S100Z: variants seen among roughly 807,000 people sequenced by gnomAD.
S100Z encodes S100 calcium binding protein Z.
S100Z carries 11 observed loss-of-function variants against 8.5 expected under a neutral mutation model. The observed-to-expected ratio is 1.30, with a 90% CI of 0.82 to 2.15. The LOEUF (loss-of-function observed/expected upper bound fraction) is 2.15. Among genes scored for constraint, S100Z ranks in the 30% most tolerant of loss-of-function variants. S100Z has a pLI of 0.00. For synonymous variants in S100Z, 34 were observed against 43.8 expected (o/e 0.78, Z 0.89); for missense variants, 126 against 117.9 (o/e 1.07, Z -0.32).
chr5:76,904,240 G>A (rs1168406881), intron 4 of S100Z, among the ~76,000 whole-genome samples: 1 of 152,026 alleles, frequency 6.6e-6, no homozygotes, highest in Non-Finnish European at 1.5e-5. Context: ...GTTGCCCTGG[G>A]TTAAACTGCA....
At chr5:76,903,256 G>C (rs1163321422) in intron 4 of S100Z, among the ~76,000 whole-genome samples, 1 of 152,136 alleles carries the variant, frequency 6.6e-6, no homozygotes, top group Non-Finnish European at 1.5e-5. Flanking sequence ...ATCCCCTAGA[G>C]ACCACTGATT....
chr5:76,891,137 A>C (rs923713219), intron 4 of S100Z, among the ~76,000 whole-genome samples: 2 of 152,244 alleles, frequency 1.3e-5, no homozygotes, highest in Non-Finnish European at 2.9e-5. Flanking sequence ...TGCTGGGATT[A>C]CAGGCGTGAG....
At chr5:76,883,161 G>T (rs1743475564) in intron 4 of S100Z, among the ~76,000 whole-genome samples, 1 of 152,088 alleles carries the variant, frequency 6.6e-6, no homozygotes, top group Non-Finnish European at 1.5e-5. Flanking sequence ...AGGGTGATTA[G>T]GTTTTAATGG....
At chr5:76,852,220 G>A (rs540021721) in intron 1 of S100Z, among the ~76,000 whole-genome samples, 10 of 152,088 alleles carry the variant, frequency 6.6e-5, no homozygotes, top group South Asian at 6.2e-4. Context: ...AAGCAGTGTC[G>A]GTCCTCTTAT....
intron 4 of S100Z, among the ~76,000 whole-genome samples, chr5:76,914,789 G>A (rs189900118): frequency 3.9e-5 from 6 of 152,030 alleles, no homozygotes; most frequent in Admixed American, 3.3e-4. Flanking sequence ...AACTCCTGAC[G>A]CACCACCTTT....
intron 1 of S100Z, among the ~76,000 whole-genome samples, chr5:76,869,819 G>T (rs1432322318): frequency 2.0e-5 from 3 of 152,136 alleles, no homozygotes; most frequent in Non-Finnish European, 4.4e-5. Flanking sequence ...AGGAGTTCAA[G>T]ACCAGCCTAG....
the S100Z span, among the ~76,000 whole-genome samples, chr5:76,931,404 T>C: frequency 9.2e-5 from 14 of 152,306 alleles, no homozygotes; most frequent in African/African-American, 3.1e-4. Flanking sequence ...CCAGCCACCA[T>C]GACTGGCTCC....
chr5:76,878,075 C>A (rs1580012747), intron 4 of S100Z: 1 of 265,588 alleles, frequency 3.8e-6, no homozygotes, highest in East Asian at 6.6e-5. Context: ...AGGCTATATG[C>A]ATCTTTTTGG....
intron 2 of S100Z, 88 bp from the exon 3 acceptor site, chr5:76,875,216 C>A: frequency 2.8e-6 from 2 of 725,582 alleles, no homozygotes; most frequent in South Asian, 2.1e-5. Context: ...TAACAACCAT[C>A]ACTTGTGTGG....
chr5:76,937,059 C>G, the S100Z span, among the ~76,000 whole-genome samples: 5 of 152,146 alleles, frequency 3.3e-5, no homozygotes, highest in African/African-American at 1.2e-4. Flanking sequence ...TCAGCAAATC[C>G]CGGCTGCAGA....
At chr5:76,926,302 A>G (rs1049553237), downstream of S100Z, among the ~76,000 whole-genome samples, 16 of 152,308 alleles carry the variant, frequency 1.1e-4, no homozygotes, top group South Asian at 2.1e-3. Flanking sequence ...CTGTAGTCCT[A>G]CCTGCCAAAT....
intron 1 of S100Z, among the ~76,000 whole-genome samples, chr5:76,857,207 G>A (rs929462023): frequency 4.6e-5 from 7 of 152,016 alleles, no homozygotes; most frequent in Non-Finnish European, 8.8e-5. Context: ...CAGGAGAATC[G>A]CTTGACCCTG....
Position 76,858,610 on chromosome 5 carries a change from A to C in S100Z, c.-176+8455A>C, listed in dbSNP as rs117830930. 2.1e-4 allele frequency among the ~76,000 whole-genome samples: 32 copies of C among 152,248 alleles called. No individual in the cohort carries two copies. The East Asian group carries it at 5.2e-3, about 25-fold the overall frequency. On this transcript the variant is annotated intron_variant, in intron 1 of 4. Coordinates refer to ENST00000317593, the MANE Select transcript of S100Z (RefSeq NM_130772.4). ...TCCATTGTCCTGCCTGGACGATGAC[A>C]AGTAGGGTGGGGGCTAATTGTTACA...
the S100Z span, among the ~76,000 whole-genome samples, chr5:76,941,902 G>C: frequency 2.6e-5 from 4 of 151,496 alleles, no homozygotes; most frequent in Non-Finnish European, 5.9e-5. Flanking sequence ...ATTTATATTA[G>C]TATGGATTTG....
chr5:76,950,905 C>G, the S100Z span, among the ~76,000 whole-genome samples: 2 of 152,176 alleles, frequency 1.3e-5, no homozygotes, highest in African/African-American at 2.4e-5. Flanking sequence ...TTCCATTTCT[C>G]TCACCTATTT....
At chr5:76,860,953 A>G (rs1436688930) in intron 1 of S100Z, among the ~76,000 whole-genome samples, 2 of 152,258 alleles carry the variant, frequency 1.3e-5, no homozygotes, top group Non-Finnish European at 2.9e-5. Context: ...CTGAAGAGTC[A>G]TGTAAAAAGG....
chr5:76,931,610 C>T, the S100Z span, among the ~76,000 whole-genome samples: 4 of 152,250 alleles, frequency 2.6e-5, no homozygotes, highest in African/African-American at 7.2e-5. Context: ...CCTTCAGCCC[C>T]GTAGCGTGGT....
the S100Z span, among the ~76,000 whole-genome samples, chr5:76,952,522 A>T: frequency 6.6e-6 from 1 of 152,264 alleles, no homozygotes; most frequent in Admixed American, 6.5e-5. Flanking sequence ...CTGCAAAATC[A>T]GACTTCTGCT....
chr5:76,866,722 C>G (rs1314434047), intron 1 of S100Z, among the ~76,000 whole-genome samples: 1 of 152,128 alleles, frequency 6.6e-6, no homozygotes, highest in African/African-American at 2.4e-5. Flanking sequence ...GCCATATGGC[C>G]TAGGTGTGTA....
Sources: gnomAD v4.1 joint callset for allele counts (sites outside exome capture counted in the v4.1 genomes callset) on GRCh38, gnomAD v4.1.1 for gene constraint, MANE v1.5 for transcripts, NCBI Gene and HGNC (gene_info 2026-07-23, HGNC 2026-07-21) for gene names.